SORCS2: variants seen among roughly 807,000 people sequenced by gnomAD.
SORCS2 encodes VPS10 domain-containing receptor SorCS2.
SORCS2 carries 100 observed loss-of-function variants against 141.6 expected under a neutral mutation model. The ratio of observed to expected loss-of-function variants is 0.71; its 90% confidence interval spans 0.60 to 0.83. The LOEUF is 0.83. Ranked by LOEUF, SORCS2 falls within the 40% of genes least tolerant of loss-of-function variation. SORCS2 has a pLI of 0.00. For missense variants in SORCS2, 1,646 were observed against 1,560.2 expected, an observed-to-expected ratio of 1.05 and a Z score of -0.93; for synonymous variants, 789 against 676.9, an observed-to-expected ratio of 1.17 and a Z score of -2.57.
intron 2 of SORCS2, among the ~76,000 whole-genome samples, chr4:7,473,514 G>C (rs1730106892): frequency 6.6e-6 from 1 of 152,220 alleles, no homozygotes; most frequent in Non-Finnish European, 1.5e-5. Flanking sequence ...CAGACATTCA[G>C]AGGCAGGATG....
intron 3 of SORCS2, among the ~76,000 whole-genome samples, chr4:7,574,672 T>A (rs1715630417): frequency 6.6e-6 from 1 of 151,766 alleles, no homozygotes; most frequent in Non-Finnish European, 1.5e-5. Flanking sequence ...TGGCTGAGTA[T>A]TTACTGAGGA....
chr4:7,579,113 C>G (rs1715970034), intron 3 of SORCS2, among the ~76,000 whole-genome samples: 2 of 152,200 alleles, frequency 1.3e-5, no homozygotes, highest in South Asian at 2.1e-4. Context: ...ACAAACCCAT[C>G]AATCCCCAGA....
intron 1 of SORCS2, among the ~76,000 whole-genome samples, chr4:7,342,729 T>C (rs1720434882): frequency 6.6e-6 from 1 of 152,156 alleles, no homozygotes; most frequent in Non-Finnish European, 1.5e-5. Flanking sequence ...TAAAGTTTCA[T>C]GTAAAATAAT....
chr4:7,344,761 A>G (rs1320303999), intron 1 of SORCS2, among the ~76,000 whole-genome samples: 2 of 152,180 alleles, frequency 1.3e-5, no homozygotes, highest in African/African-American at 4.8e-5. Flanking sequence ...TGAGGCCTAA[A>G]TGGGAAAGCG....
intron 3 of SORCS2, among the ~76,000 whole-genome samples, chr4:7,568,818 TC>T (rs1452310827): frequency 1.3e-5 from 2 of 152,206 alleles, no homozygotes; most frequent in African/African-American, 4.8e-5. Flanking sequence ...GGGAAGGAAT[TC>T]CGTGGAAAGT....
At chr4:7,256,995 G>T (rs1713929824) in intron 1 of SORCS2, among the ~76,000 whole-genome samples, 1 of 152,162 alleles carries the variant, frequency 6.6e-6, no homozygotes, top group South Asian at 2.1e-4. Flanking sequence ...ATGGCTCCTG[G>T]GCATTCACTG....
At chr4:7,456,928 C>A (rs114224427) in intron 2 of SORCS2, among the ~76,000 whole-genome samples, 3 of 151,234 alleles carry the variant, frequency 2.0e-5, no homozygotes, top group Non-Finnish European at 4.4e-5. Context: ...CTCCATTTCA[C>A]CCCTGGTTGG....
intron 1 of SORCS2, among the ~76,000 whole-genome samples, chr4:7,270,330 G>T (rs1277782380): frequency 3.3e-5 from 5 of 152,268 alleles, no homozygotes; most frequent in African/African-American, 1.2e-4. Context: ...TAAACGTCAA[G>T]TGGCAGCTCC....
At chr4:7,514,462 C>T (rs1351557406) in intron 2 of SORCS2, among the ~76,000 whole-genome samples, 1 of 151,424 alleles carries the variant, frequency 6.6e-6, no homozygotes, top group East Asian at 1.9e-4. Context: ...AAAATCCAGG[C>T]CTGTTGTCAG....
chr4:7,282,797 A>G (rs1483139696), intron 1 of SORCS2, among the ~76,000 whole-genome samples: 3 of 151,880 alleles, frequency 2.0e-5, no homozygotes, highest in Non-Finnish European at 4.4e-5. Flanking sequence ...TGGGATTCAC[A>G]CTCTAGGGGG....
At chr4:7,259,757 C>T (rs1216565484) in intron 1 of SORCS2, among the ~76,000 whole-genome samples, 1 of 152,232 alleles carries the variant, frequency 6.6e-6, no homozygotes, top group Non-Finnish European at 1.5e-5. Flanking sequence ...CATCACATGC[C>T]CTTGGGGTTC....
chr4:7,349,917 G>A (rs899183648), intron 1 of SORCS2, among the ~76,000 whole-genome samples: 2 of 152,142 alleles, frequency 1.3e-5, no homozygotes, highest in African/African-American at 4.8e-5. Flanking sequence ...CCGAGCAGAC[G>A]CTGATCTGCT....
intron 3 of SORCS2, among the ~76,000 whole-genome samples, chr4:7,595,187 A>G (rs368879133): frequency 6.6e-6 from 1 of 152,164 alleles, no homozygotes; most frequent in South Asian, 2.1e-4. Flanking sequence ...TTTCCTTGCT[A>G]TTACCGGTTT....
chr4:7,266,649 C>T (rs972527850), intron 1 of SORCS2, among the ~76,000 whole-genome samples: 6 of 152,206 alleles, frequency 3.9e-5, no homozygotes, highest in Non-Finnish European at 7.3e-5. Flanking sequence ...GAGGATGAAG[C>T]GGACTCAGCC....
rs1726306255 is a variant in SORCS2 at position 7,717,995 on chromosome 4, C to T, written c.2253-17C>T. 3.1e-6 allele frequency: 5 copies of T among 1,589,008 alleles called. No individual in the cohort carries two copies. The highest frequency in any genetic ancestry group is 2.7e-5 in the African/African-American group (2 of 73,906). On this transcript the variant is annotated splice_polypyrimidine_tract_variant and intron_variant, in intron 17 of 26. Transcript: ENST00000507866. Reference sequence around the variant, plus strand: ...CACCTGTCTGAAGCGGACCCTGACCCTCTCTTGTCAATCCAGGTACCGGAA... The same window carrying T: ...CACCTGTCTGAAGCGGACCCTGACCTTCTCTTGTCAATCCAGGTACCGGAA...
chr4:7,396,227 C>A lies in SORCS2; in HGVS notation c.481-61C>A. On this transcript the variant is annotated intron_variant, in intron 1 of 26. Coordinates refer to ENST00000507866, the MANE Select transcript of SORCS2 (RefSeq NM_020777.3). Reference sequence around the variant, plus strand: ...CTGGCACGGAGTGGTGTCACTGTACCTCTCTTTGAGAACCTTGGCACCCAC... The same window carrying A: ...CTGGCACGGAGTGGTGTCACTGTACATCTCTTTGAGAACCTTGGCACCCAC... 3 of 1,535,048 alleles carry A rather than the reference C, an allele frequency of 2.0e-6. No individual in the cohort carries two copies. The South Asian group carries it at 3.5e-5, about 18-fold the overall frequency.
chr4:7,292,253 C>T (rs1262811670), intron 1 of SORCS2, among the ~76,000 whole-genome samples: 1 of 151,968 alleles, frequency 6.6e-6, no homozygotes, highest in African/African-American at 2.4e-5. Flanking sequence ...GGCTCCCCCG[C>T]ATTCACGGTC....
chr4:7,243,677 C>T (rs559627003), intron 1 of SORCS2, among the ~76,000 whole-genome samples: 4 of 152,356 alleles, frequency 2.6e-5, no homozygotes, highest in South Asian at 2.1e-4. Context: ...AGCGGGTGGT[C>T]GTTGGCATGA....
At chr4:7,438,577 G>T (rs1727453786) in intron 2 of SORCS2, among the ~76,000 whole-genome samples, 1 of 151,802 alleles carries the variant, frequency 6.6e-6, no homozygotes, top group African/African-American at 2.4e-5. Context: ...GTATTCTTCT[G>T]TGAATAAAAA....
Sources: allele counts gnomAD v4.1 joint callset (sites outside exome capture counted in the v4.1 genomes callset), GRCh38; gene constraint gnomAD v4.1.1; transcripts MANE v1.5; gene names NCBI Gene and HGNC (gene_info 2026-07-23, HGNC 2026-07-21).